The following SGPP1 variants were observed in gnomAD, a reference collection of about 807,000 sequenced individuals.
SGPP1 encodes hSPP1.
In SGPP1, 21 loss-of-function variants were observed where a neutral mutation model predicts 33.0. That is an observed-to-expected ratio of 0.64 (90% CI 0.45 to 0.92). SGPP1 has a LOEUF of 0.92. Ranked by LOEUF, SGPP1 falls within the 40% of genes least tolerant of loss-of-function variation. SGPP1 has a pLI of 0.00. For synonymous variants in SGPP1, 239 were observed against 241.2 expected (o/e 0.99, Z 0.08); for missense variants, 543 against 589.4 (o/e 0.92, Z 0.81).
chr14:63,711,252 T>C (rs879662106), intron 1 of SGPP1, among the ~76,000 whole-genome samples: 1 of 152,102 alleles, frequency 6.6e-6, no homozygotes, highest in Non-Finnish European at 1.5e-5. Context: ...TGACCTCAGG[T>C]GATCCGCCCA....
At chr14:63,727,166 A>G (rs368528123) in intron 1 of SGPP1, 95 bp downstream of exon 1, 7 of 1,463,116 alleles carry the variant, frequency 4.8e-6, no homozygotes, top group Non-Finnish European at 6.3e-6. Flanking sequence ...GAGGCTTTGG[A>G]GGGGAACGGT....
chr14:63,725,076 T>C (rs1046840508), intron 1 of SGPP1, among the ~76,000 whole-genome samples: 1 of 148,798 alleles, frequency 6.7e-6, no homozygotes, highest in Non-Finnish European at 1.5e-5. Flanking sequence ...AGAACTTTCA[T>C]ATAAAGGAGG....
chr14:63,723,854 A>G (rs935969023), intron 1 of SGPP1, among the ~76,000 whole-genome samples: 1 of 152,060 alleles, frequency 6.6e-6, no homozygotes, highest in Non-Finnish European at 1.5e-5. Flanking sequence ...AGAAATCTGC[A>G]TTTTTAAACA....
rs11850853 is a variant in SGPP1, at chr14:63,685,243, C to T, written c.*862G>A. On this transcript the variant is annotated 3_prime_UTR_variant, in exon 3 of 3. Coordinates refer to ENST00000247225, the MANE Select transcript of SGPP1 (RefSeq NM_030791.4). ...GGGTAATTTACTTTTATGCCTGTCA[C>T]CCTGACATACATTTTTTAAAATATT... The T allele has an allele frequency of 0.039, 6,017 of 152,494 alleles. 179 individuals carry two copies. Among genetic ancestry groups the T allele is most frequent in the African/African-American group, 0.08 (3,334 of 41,520 alleles). 9.4% of individuals were successfully genotyped at this position (152,494 alleles called of 1,614,324 possible).
intron 1 of SGPP1, among the ~76,000 whole-genome samples, chr14:63,720,550 A>T (rs1048739089): frequency 6.6e-6 from 1 of 152,066 alleles, no homozygotes; most frequent in Admixed American, 6.5e-5. Flanking sequence ...CCTGAGGTCA[A>T]GAGTTCAAGA....
intron 1 of SGPP1, among the ~76,000 whole-genome samples, chr14:63,719,167 C>T (rs931304416): frequency 2.7e-5 from 4 of 150,002 alleles, no homozygotes; most frequent in Admixed American, 2.0e-4. Context: ...GCTGGGATTA[C>T]AGGTGCTTGT....
At chr14:63,701,947 G>GGA (rs1491515527) in intron 1 of SGPP1, among the ~76,000 whole-genome samples, 1 of 109,040 alleles carries the variant, frequency 9.2e-6, no homozygotes, top group Admixed American at 8.5e-5. Flanking sequence ...ACCAAAAGAA[G>GGA]TAAAAAAAAA....
At chr14:63,704,961 A>G (rs993051567) in intron 1 of SGPP1, among the ~76,000 whole-genome samples, 5 of 152,036 alleles carry the variant, frequency 3.3e-5, no homozygotes, top group Non-Finnish European at 5.9e-5. Flanking sequence ...CCCTGTCTCT[A>G]TGAAAAATAC....
At chr14:63,724,245 G>A (rs1302920033) in intron 1 of SGPP1, among the ~76,000 whole-genome samples, 1 of 152,086 alleles carries the variant, frequency 6.6e-6, no homozygotes, top group African/African-American at 2.4e-5. Flanking sequence ...AAAATGCTCT[G>A]GGTGGTGAAT....
intron 2 of SGPP1, among the ~76,000 whole-genome samples, chr14:63,687,844 G>C (rs1312350937): frequency 6.6e-6 from 1 of 152,168 alleles, no homozygotes; most frequent in Non-Finnish European, 1.5e-5. Flanking sequence ...AGTGAGGTCA[G>C]GTGCAGTGGC....
At chr14:63,722,047 A>C (rs909151901) in intron 1 of SGPP1, among the ~76,000 whole-genome samples, 1 of 152,234 alleles carries the variant, frequency 6.6e-6, no homozygotes, top group African/African-American at 2.4e-5. Flanking sequence ...CTGCTGAGTC[A>C]GTCTGAGCCC....
At chr14:63,720,481 G>A (rs945441759) in intron 1 of SGPP1, among the ~76,000 whole-genome samples, 5 of 151,656 alleles carry the variant, frequency 3.3e-5, no homozygotes, top group African/African-American at 9.7e-5. Flanking sequence ...TATATAGGCC[G>A]GGTGCGGTGG....
intron 2 of SGPP1, among the ~76,000 whole-genome samples, chr14:63,691,852 T>C (rs1048356468): frequency 6.6e-6 from 1 of 152,146 alleles, no homozygotes; most frequent in African/African-American, 2.4e-5. Flanking sequence ...TACATATATT[T>C]TCAGTGCATG....
In SGPP1 at chr14:63,726,381, G is replaced by C. The variant is rs560203492; in HGVS notation, c.684+880C>G. Among the ~76,000 whole-genome samples, 6 of 151,892 alleles carry C rather than the reference G, an allele frequency of 4.0e-5. No individual in the cohort carries two copies. In the East Asian group the frequency reaches 1.2e-3, roughly 29 times the overall value. ...ACAGATAAACATTGGAAGGCCAAAA[G>C]AAGTAAGCAAAATAAAAACGATTAC... On this transcript the variant is annotated intron_variant, in intron 1 of 2. Transcript: ENST00000247225.
chr14:63,700,160 G>A (rs112163560), intron 1 of SGPP1, among the ~76,000 whole-genome samples: 2,025 of 152,174 alleles, frequency 0.013, 37 homozygotes, highest in African/African-American at 0.043. Flanking sequence ...GCCTCGCAAA[G>A]TGCTAAGATT....
intron 1 of SGPP1, among the ~76,000 whole-genome samples, chr14:63,722,246 T>G (rs550196280): frequency 4.6e-5 from 7 of 151,354 alleles, no homozygotes; most frequent in Non-Finnish European, 1.0e-4. Context: ...TATTAACAGC[T>G]GGGCGCAGTG....
In SGPP1 at chr14:63,728,059, G is replaced by C. The variant is rs371706590; in HGVS notation, c.-115C>G. On this transcript the variant is annotated 5_prime_UTR_variant, in exon 1 of 3. Coordinates refer to ENST00000247225, the MANE Select transcript of SGPP1 (RefSeq NM_030791.4). Reference sequence around the variant, plus strand: ...AGCGCTCTACCCTCCGGAGTCTGCCGGGTGACGGCGCCACAGGCCGCGCGC... The same window carrying C: ...AGCGCTCTACCCTCCGGAGTCTGCCCGGTGACGGCGCCACAGGCCGCGCGC... 1.5e-5 allele frequency: 17 copies of C among 1,120,340 alleles called. No homozygotes were observed. In the East Asian group the frequency reaches 2.0e-4, roughly 13 times the overall value. The allele number at this position is 1,120,340 out of a possible 1,614,324, so 69.4% of individuals were successfully genotyped here.
chr14:63,700,442 T>TA (rs1885273293), intron 1 of SGPP1, among the ~76,000 whole-genome samples: 1 of 152,184 alleles, frequency 6.6e-6, no homozygotes, highest in Admixed American at 6.5e-5. Context: ...AAACATGAAT[T>TA]ATCCTTAATT....
Position 63,686,662 on chromosome 14 carries a change from A to G in SGPP1, c.775-6T>C. 7 of 1,567,026 alleles carry G rather than the reference A, an allele frequency of 4.5e-6. No homozygotes were observed. Among genetic ancestry groups the G allele is most frequent in the Non-Finnish European group, 6.1e-6 (7 of 1,146,436 alleles). The stretch of plus-strand genomic sequence containing the variant: ...AGGAATCCAGCAATAATATCCTAGG[A>G]AAAGATAAAAGTATCGTTGTTTAGT... On this transcript the variant is annotated splice_region_variant and splice_polypyrimidine_tract_variant and intron_variant, in intron 2 of 2. Transcript: ENST00000247225.
Sources: allele counts gnomAD v4.1 joint callset (sites outside exome capture counted in the v4.1 genomes callset), GRCh38; gene constraint gnomAD v4.1.1; transcripts MANE v1.5; gene names NCBI Gene and HGNC (gene_info 2026-07-23, HGNC 2026-07-21).